The following TLK1 variants were observed in gnomAD, a reference collection of about 807,000 sequenced individuals.
TLK1 encodes the protein serine/threonine-protein kinase tousled-like 1.
Under a neutral mutation model 105.3 loss-of-function variants are expected in TLK1, and 24 were observed. The ratio of observed to expected loss-of-function variants is 0.23; its 90% CI spans 0.17 to 0.32. TLK1 has a LOEUF of 0.32. Ranked by LOEUF, TLK1 falls within the 10% of genes least tolerant of loss-of-function variation. The probability of loss-of-function intolerance (pLI) is 1.00; values close to 1 mark genes in which losing one functional copy is unlikely to be tolerated. For synonymous variants in TLK1, 321 were observed against 310.4 expected, an observed-to-expected ratio of 1.03 and a Z score of -0.36; for missense variants, 558 against 910.5, an observed-to-expected ratio of 0.61 and a Z score of 4.98.
chr2:171,159,115 A>G (rs970059129), intron 1 of TLK1, among the ~76,000 whole-genome samples: 4 of 152,224 alleles, frequency 2.6e-5, no homozygotes, highest in Non-Finnish European at 4.4e-5. Flanking sequence ...AGATATTTTC[A>G]AAATAAAGTA....
chr2:171,055,203 CAAAA>C (rs71399594), intron 6 of TLK1, 31 bp from the exon 7 acceptor site: 689 of 515,624 alleles, frequency 1.3e-3, no homozygotes, highest in South Asian at 2.6e-3. Flanking sequence ...TTTATATTAG[CAAAA>C]AAAAAAAAAA....
chr2:171,003,158 C>T (rs1396671493), intron 18 of TLK1, among the ~76,000 whole-genome samples: 5 of 150,884 alleles, frequency 3.3e-5, no homozygotes, highest in Admixed American at 6.6e-5. Flanking sequence ...CCTGTGGTCC[C>T]GGCTGCTCAG....
intron 1 of TLK1, among the ~76,000 whole-genome samples, chr2:171,148,626 G>A (rs147338172): frequency 1.9e-3 from 295 of 151,954 alleles, no homozygotes; most frequent in African/African-American, 6.7e-3. Context: ...CTCACACCTG[G>A]AATCCCAGCA....
intron 1 of TLK1, among the ~76,000 whole-genome samples, chr2:171,125,604 A>G (rs1010589380): frequency 1.3e-5 from 2 of 152,244 alleles, no homozygotes; most frequent in Non-Finnish European, 2.9e-5. Flanking sequence ...AATGCCATAT[A>G]CAGTTTCTGT....
At chr2:171,208,814 A>T (rs1693556313) in intron 1 of TLK1, among the ~76,000 whole-genome samples, 1 of 152,254 alleles carries the variant, frequency 6.6e-6, no homozygotes, top group African/African-American at 2.4e-5. Context: ...ATGCAAGCCC[A>T]GTGCAGAGCA....
chr2:171,086,327 T>A (rs970012102), intron 2 of TLK1, among the ~76,000 whole-genome samples: 2 of 152,072 alleles, frequency 1.3e-5, no homozygotes, highest in African/African-American at 4.8e-5. Flanking sequence ...AGACAACACT[T>A]AGAAGAAGGG....
At chr2:171,163,882 T>C (rs1219094603), upstream of TLK1, among the ~76,000 whole-genome samples, 1 of 152,082 alleles carries the variant, frequency 6.6e-6, no homozygotes, top group Admixed American at 6.5e-5. Flanking sequence ...CCTATCACAA[T>C]GCCCGGCTAA....
chr2:171,152,461 C>A (rs1038174178), intron 1 of TLK1, among the ~76,000 whole-genome samples: 2 of 152,202 alleles, frequency 1.3e-5, no homozygotes, highest in Admixed American at 6.5e-5. Context: ...TCAATCCATT[C>A]AAATCCTGCC....
At chr2:171,216,296 G>A (rs1355304398) in intron 1 of TLK1, among the ~76,000 whole-genome samples, 1 of 152,104 alleles carries the variant, frequency 6.6e-6, no homozygotes, top group Non-Finnish European at 1.5e-5. Context: ...CTAATACGGT[G>A]AAACCCTGTC....
intron 1 of TLK1, among the ~76,000 whole-genome samples, chr2:171,126,847 T>C (rs552952336): frequency 1.6e-4 from 24 of 151,944 alleles, no homozygotes; most frequent in African/African-American, 5.8e-4. Flanking sequence ...TTATACTAGA[T>C]AAGGCAGAGG....
intron 1 of TLK1, among the ~76,000 whole-genome samples, chr2:171,192,808 T>C (rs1222476432): frequency 6.6e-6 from 1 of 152,256 alleles, no homozygotes; most frequent in Non-Finnish European, 1.5e-5. Context: ...CATCTGTACA[T>C]GCTTCAAATT....
intron 1 of TLK1, among the ~76,000 whole-genome samples, chr2:171,142,853 C>G (rs950537203): frequency 6.6e-6 from 1 of 152,152 alleles, no homozygotes; most frequent in African/African-American, 2.4e-5. Flanking sequence ...AACCATAAAG[C>G]AAGTCTCAAA....
intron 11 of TLK1, among the ~76,000 whole-genome samples, chr2:171,038,394 T>C (rs1347202884): frequency 2.6e-5 from 4 of 152,180 alleles, no homozygotes; most frequent in Non-Finnish European, 4.4e-5. Flanking sequence ...CTTATTGAAA[T>C]AGATGATTAG....
chr2:171,060,871 G>C (rs1687718527), intron 4 of TLK1, among the ~76,000 whole-genome samples: 3 of 152,078 alleles, frequency 2.0e-5, no homozygotes, highest in Admixed American at 2.0e-4. Context: ...GCCAGATTTG[G>C]ACATGATACT....
chr2:171,187,184 G>A (rs1693047857), intron 1 of TLK1, among the ~76,000 whole-genome samples: 1 of 150,478 alleles, frequency 6.6e-6, no homozygotes, highest in South Asian at 2.1e-4. Context: ...AATAGAAACA[G>A]CAAAGTTCAT....
chr2:171,136,162 T>C (rs1356006679), intron 1 of TLK1, among the ~76,000 whole-genome samples: 1 of 152,164 alleles, frequency 6.6e-6, no homozygotes, highest in African/African-American at 2.4e-5. Context: ...CACTGAAACA[T>C]GACACAATAT....
At chr2:171,195,381 T>C (rs1007167628) in intron 1 of TLK1, among the ~76,000 whole-genome samples, 1 of 151,334 alleles carries the variant, frequency 6.6e-6, no homozygotes, top group Non-Finnish European at 1.5e-5. Context: ...TGGGCGCCTG[T>C]AGTCCCAGCT....
chr2:171,148,829 G>A (rs1485390888), intron 1 of TLK1, among the ~76,000 whole-genome samples: 1 of 149,428 alleles, frequency 6.7e-6, no homozygotes, highest in African/African-American at 2.5e-5. Context: ...GCAGTGAGCC[G>A]AGATCGTGCC....
intron 1 of TLK1, among the ~76,000 whole-genome samples, chr2:171,179,436 A>G (rs746150989): frequency 6.6e-6 from 1 of 152,168 alleles, no homozygotes; most frequent in Non-Finnish European, 1.5e-5. Context: ...AATGCCCCCT[A>G]TTTGTCCTCT....
Sources: gnomAD v4.1 joint callset for allele counts (sites outside exome capture counted in the v4.1 genomes callset) on GRCh38, gnomAD v4.1.1 for gene constraint, MANE v1.5 for transcripts, NCBI Gene and HGNC (gene_info 2026-07-23, HGNC 2026-07-21) for gene names.